Variants in B4GALT5 observed in about 807,000 individuals in gnomAD.
B4GALT5 encodes UDP-Gal:beta-GlcNAc beta-1,4-galactosyltransferase 5.
In B4GALT5, 11 loss-of-function variants were observed where a neutral mutation model predicts 45.0. That is an observed-to-expected ratio of 0.24 (90% confidence interval 0.15 to 0.40). The LOEUF is 0.40. Ranked by LOEUF, B4GALT5 falls within the 10% of genes least tolerant of loss-of-function variation. B4GALT5 has a pLI of 1.00. For missense variants in B4GALT5, 337 were observed against 500.2 expected, an observed-to-expected ratio of 0.67 and a Z score of 3.11; for synonymous variants, 185 against 182.9, an observed-to-expected ratio of 1.01 and a Z score of -0.09.
At chr20:49,680,916 C>T (rs1166646179) in intron 1 of B4GALT5, among the ~76,000 whole-genome samples, 1 of 151,658 alleles carries the variant, frequency 6.6e-6, no homozygotes, top group East Asian at 1.9e-4. Context: ...ATATATTTTA[C>T]CACAATTTAA....
chr20:49,678,559 A>G (rs2085749585), intron 1 of B4GALT5, among the ~76,000 whole-genome samples: 1 of 152,200 alleles, frequency 6.6e-6, no homozygotes, highest in Admixed American at 6.5e-5. Context: ...AGATATCTTG[A>G]AAGAAGCCTA....
In B4GALT5 at chr20:49,637,327, T is replaced by C; in HGVS notation, c.1019+14A>G. On this transcript the variant is annotated intron_variant, in intron 8 of 8. Coordinates refer to ENST00000371711, the MANE Select transcript of B4GALT5 (RefSeq NM_004776.4). ...AGGGGATACTTCTAAGAGACAGAGATAAATTCCACCAACCTTCCAAGAAAC... is the reference window on the plus strand; with the variant it reads ...AGGGGATACTTCTAAGAGACAGAGACAAATTCCACCAACCTTCCAAGAAAC... 6.2e-7 allele frequency: 1 copy of C among 1,603,224 alleles called. No individual in the cohort carries two copies.
intron 1 of B4GALT5, among the ~76,000 whole-genome samples, chr20:49,676,187 T>C (rs1355544751): frequency 1.3e-5 from 2 of 151,860 alleles, no homozygotes; most frequent in Non-Finnish European, 2.9e-5. Context: ...TACATATATA[T>C]GTAGAGAGAG....
chr20:49,661,047 C>T (rs2085662880), intron 1 of B4GALT5, among the ~76,000 whole-genome samples: 1 of 152,172 alleles, frequency 6.6e-6, no homozygotes, highest in Admixed American at 6.5e-5. Context: ...ACACATGTTG[C>T]TTTCAATCTA....
intron 1 of B4GALT5, among the ~76,000 whole-genome samples, chr20:49,695,906 A>G (rs1028579594): frequency 1.3e-5 from 2 of 152,206 alleles, no homozygotes; most frequent in Non-Finnish European, 2.9e-5. Flanking sequence ...AAGCAAAGAA[A>G]TATGCTGAGT....
intron 1 of B4GALT5, among the ~76,000 whole-genome samples, chr20:49,681,941 C>CA (rs1437784379): frequency 6.6e-6 from 1 of 152,120 alleles, no homozygotes; most frequent in Admixed American, 6.5e-5. Flanking sequence ...ACAAAAAATA[C>CA]AAAAATTAGT....
intron 1 of B4GALT5, among the ~76,000 whole-genome samples, chr20:49,657,156 T>TGGTCTGAAGCCAC (rs1393840877): frequency 1.3e-5 from 2 of 152,212 alleles, no homozygotes; most frequent in African/African-American, 4.8e-5. Flanking sequence ...ACTGAAGCCA[T>TGGTCTGAAGCCAC]GGTCTGAAGC....
At chr20:49,713,174 G>C (rs975436428) in intron 1 of B4GALT5, among the ~76,000 whole-genome samples, 5 of 151,670 alleles carry the variant, frequency 3.3e-5, no homozygotes, top group Non-Finnish European at 5.9e-5. Flanking sequence ...TGGGGTGCGG[G>C]GAATGCCGGG....
At chr20:49,683,759 A>G (rs2146350515) in intron 1 of B4GALT5, among the ~76,000 whole-genome samples, 1 of 152,238 alleles carries the variant, frequency 6.6e-6, no homozygotes, top group East Asian at 1.9e-4. Flanking sequence ...CAAATTATTC[A>G]TTCTGTGTTT....
intron 1 of B4GALT5, among the ~76,000 whole-genome samples, chr20:49,707,106 T>G (rs1352297372): frequency 6.6e-6 from 1 of 152,156 alleles, no homozygotes; most frequent in Non-Finnish European, 1.5e-5. Context: ...GGAACAGTAA[T>G]TAATACTGTT....
chr20:49,657,847 T>G (rs1487160143), intron 1 of B4GALT5, among the ~76,000 whole-genome samples: 1 of 152,208 alleles, frequency 6.6e-6, no homozygotes, highest in Non-Finnish European at 1.5e-5. Flanking sequence ...AATGGAATAA[T>G]GGACGAAGCT....
intron 1 of B4GALT5, among the ~76,000 whole-genome samples, chr20:49,666,465 A>T (rs1000206407): frequency 7.2e-5 from 11 of 152,182 alleles, no homozygotes; most frequent in African/African-American, 2.2e-4. Flanking sequence ...TTTATAACAG[A>T]GTCAAATAAA....
At chr20:49,702,644 C>T (rs1305695796) in intron 1 of B4GALT5, among the ~76,000 whole-genome samples, 1 of 151,926 alleles carries the variant, frequency 6.6e-6, no homozygotes, top group East Asian at 1.9e-4. Context: ...GGCTTCAGTC[C>T]ACGAGTTTGA....
chr20:49,643,270 C>T (rs2085584456), intron 4 of B4GALT5, among the ~76,000 whole-genome samples: 2 of 152,154 alleles, frequency 1.3e-5, no homozygotes, highest in African/African-American at 4.8e-5. Flanking sequence ...CCACCAACGC[C>T]CTCATCCCCT....
chr20:49,707,342 T>C (rs551196125), intron 1 of B4GALT5, among the ~76,000 whole-genome samples: 1 of 151,984 alleles, frequency 6.6e-6, no homozygotes, highest in South Asian at 2.1e-4. Context: ...CTCAAATATG[T>C]GCGCAAGAGT....
At chr20:49,677,002 G>C (rs2085740520) in intron 1 of B4GALT5, among the ~76,000 whole-genome samples, 1 of 152,088 alleles carries the variant, frequency 6.6e-6, no homozygotes, top group African/African-American at 2.4e-5. Flanking sequence ...ATATTTGTAT[G>C]TGTTTGTGTG....
At position 49,643,357 on chromosome 20, in the gene B4GALT5, CA is replaced by C. The variant is rs932494308; in HGVS notation, c.489+168del. ...AGAATAATGCAAATTTCTGTATCTA[CA>C]AAAAGAGTCCTTGTGGAAACCCATT... is the stretch of plus-strand genomic sequence containing the variant. On this transcript the variant is annotated intron_variant, in intron 4 of 8. Coordinates refer to ENST00000371711, the MANE Select transcript of B4GALT5 (RefSeq NM_004776.4). Among the ~76,000 whole-genome samples, 20 of 152,232 alleles carry C rather than the reference CA, an allele frequency of 1.3e-4. 1 individual carries two copies. The Middle Eastern group carries it at 0.01, about 78-fold the overall frequency.
At chr20:49,695,316 G>C (rs2085834481) in intron 1 of B4GALT5, among the ~76,000 whole-genome samples, 1 of 151,798 alleles carries the variant, frequency 6.6e-6, no homozygotes. Context: ...CCACGGAACT[G>C]GTCCCTGGTG....
chr20:49,670,301 A>G (rs977130209), intron 1 of B4GALT5, among the ~76,000 whole-genome samples: 1 of 152,244 alleles, frequency 6.6e-6, no homozygotes, highest in Non-Finnish European at 1.5e-5. Context: ...TTGCTAAGGA[A>G]TAAGAACATG....
Sources: gnomAD v4.1 joint callset for allele counts (sites outside exome capture counted in the v4.1 genomes callset) on GRCh38, gnomAD v4.1.1 for gene constraint, MANE v1.5 for transcripts, NCBI Gene and HGNC (gene_info 2026-07-23, HGNC 2026-07-21) for gene names.